Variants in COL5A1 observed in about 807,000 individuals in gnomAD.
The protein encoded by COL5A1 is collagen type V alpha 1 chain, also known as collagen alpha-1(V) chain.
COL5A1 carries 16 observed loss-of-function variants against 263.7 expected under a neutral mutation model. The observed-to-expected ratio is 0.06, with a 90% confidence interval of 0.04 to 0.09. The LOEUF is 0.09. COL5A1 is among the 10% of genes least tolerant of loss of function. The pLI is 1.00. For missense variants in COL5A1, 2,036 were observed against 2,540.5 expected (o/e 0.80, Z 4.27); for synonymous variants, 1,012 against 1,004.5 (o/e 1.01, Z -0.14).
At chr9:134,749,091 G>A (rs897191373) in intron 11 of COL5A1, among the ~76,000 whole-genome samples, 4 of 152,178 alleles carry the variant, frequency 2.6e-5, no homozygotes, top group East Asian at 3.9e-4. Context: ...ACAAAAGTTA[G>A]CCCACGCTGG....
chr9:134,744,715 AC>A (rs1835431620), intron 11 of COL5A1, among the ~76,000 whole-genome samples: 1 of 151,784 alleles, frequency 6.6e-6, no homozygotes, highest in African/African-American at 2.4e-5. Flanking sequence ...ATGCTCTCAC[AC>A]AGTTACACAC....
intron 4 of COL5A1, among the ~76,000 whole-genome samples, chr9:134,723,490 G>A (rs953036584): frequency 2.0e-5 from 3 of 152,236 alleles, no homozygotes; most frequent in African/African-American, 4.8e-5. Context: ...CAGGGGCCCC[G>A]CTGCACACAT....
chr9:134,835,973 G>A (rs1019345622), intron 65 of COL5A1, among the ~76,000 whole-genome samples: 1 of 152,184 alleles, frequency 6.6e-6, no homozygotes, highest in Non-Finnish European at 1.5e-5. Context: ...TGTCCCCCTC[G>A]TGTGGCCTTT....
chr9:134,642,802 C>A lies in COL5A1; in HGVS notation c.109+506C>A, dbSNP rs1014519645. On this transcript the variant is annotated intron_variant, in intron 1 of 65. Transcript: ENST00000371817. The surrounding 1 kb of genome is among the most constrained non-coding windows in gnomAD (Gnocchi z 4.5). ...TGAACTTCCCCCAGGCACTGTCACT[C>A]TAGGCTGAGCTGGCGCCCTGCTTTC... 6.6e-6 allele frequency among the ~76,000 whole-genome samples: 1 copy of A among 152,136 alleles called. No homozygotes were observed. Among genetic ancestry groups the A allele is most frequent in the African/African-American group, 2.4e-5 (1 of 41,432 alleles).
chr9:134,710,051 A>G (rs1833969975), intron 4 of COL5A1, among the ~76,000 whole-genome samples: 1 of 152,202 alleles, frequency 6.6e-6, no homozygotes, highest in Non-Finnish European at 1.5e-5. Flanking sequence ...ACCGTGGCCA[A>G]GGGGGCATCT....
chr9:134,771,140 C>T (rs538663970), intron 25 of COL5A1, among the ~76,000 whole-genome samples: 13 of 152,376 alleles, frequency 8.5e-5, no homozygotes, highest in African/African-American at 2.4e-4. Context: ...GAAATGACCA[C>T]GTGGAGAGGC....
Position 134,736,213 on chromosome 9 carries a change from T to C in COL5A1, c.1390-2261T>C, listed in dbSNP as rs556498633. Reference sequence around the variant, plus strand: ...ACTTGTCAGAAGTGAGCTTAGTTCATTGTGAGCTGCTGTTACAGCACACCA... The same window carrying C: ...ACTTGTCAGAAGTGAGCTTAGTTCACTGTGAGCTGCTGTTACAGCACACCA... On this transcript the variant is annotated intron_variant, in intron 9 of 65. Coordinates refer to ENST00000371817, the MANE Select transcript of COL5A1 (RefSeq NM_000093.5). Among the ~76,000 whole-genome samples the C allele has an allele frequency of 2.8e-3, 423 of 152,402 alleles. 1 individual carries two copies. The highest frequency in any genetic ancestry group is 9.9e-3 in the African/African-American group (410 of 41,604).
Position 134,724,764 on chromosome 9 carries a change from C to A in COL5A1, c.655-2502C>A, listed in dbSNP as rs142032194. On this transcript the variant is annotated intron_variant, in intron 4 of 65. Transcript: ENST00000371817. ...CGGCTGCAGGCCAGAGTCTTCAAGG[C>A]GGAGACAAAGCTGTCACTAGACTCC... 7.4e-4 allele frequency among the ~76,000 whole-genome samples: 112 copies of A among 152,290 alleles called. 2 individuals are homozygous for A. In the East Asian group the frequency reaches 0.021, roughly 28 times the overall value.
At chr9:134,728,619 G>C in intron 5 of COL5A1, 51 bp from the exon 6 acceptor site, 2 of 1,612,188 alleles carry the variant, frequency 1.2e-6, no homozygotes, top group East Asian at 2.2e-5. Flanking sequence ...CAGCAGGCTG[G>C]TCGCTCTGCG....
intron 44 of COL5A1, 96 bp from the exon 45 acceptor site, chr9:134,811,243 A>G: frequency 9.5e-7 from 1 of 1,056,684 alleles, no homozygotes; most frequent in Non-Finnish European, 1.5e-6. Flanking sequence ...ACGACGTTGG[A>G]TGCATCAGTC....
chr9:134,671,817 C>G (rs149297824), intron 1 of COL5A1, among the ~76,000 whole-genome samples: 2 of 152,190 alleles, frequency 1.3e-5, no homozygotes. Context: ...TAAATCTGCC[C>G]GTTGTAATGA....
At chr9:134,752,700 C>T in intron 14 of COL5A1, 55 bp downstream of exon 14, 1 of 1,406,864 alleles carries the variant, frequency 7.1e-7, no homozygotes, top group Non-Finnish European at 1.0e-6. Context: ...GGCCCACTCC[C>T]TGTGTCGTTG....
intron 11 of COL5A1, among the ~76,000 whole-genome samples, chr9:134,744,582 CACTT>C (rs1179864619): frequency 2.3e-4 from 35 of 152,032 alleles, no homozygotes; most frequent in African/African-American, 4.6e-4. Context: ...CATGCACACA[CACTT>C]ACACATGCAC....
chr9:134,730,540 C>A, intron 7 of COL5A1, 65 bp downstream of exon 7: 3 of 1,602,348 alleles, frequency 1.9e-6, no homozygotes, highest in South Asian at 2.2e-5. Context: ...GCTGGGGCCA[C>A]AATGCTGAGC....
At chr9:134,822,432 G>A (rs1839045595) in intron 59 of COL5A1, among the ~76,000 whole-genome samples, 1 of 152,184 alleles carries the variant, frequency 6.6e-6, no homozygotes, top group Non-Finnish European at 1.5e-5. Flanking sequence ...ATCTGGGGAG[G>A]GTGCGGAAGG....
At chr9:134,685,604 CATCATCCATCCATCCACCA>C in intron 1 of COL5A1, among the ~76,000 whole-genome samples, 1 of 108,988 alleles carries the variant, frequency 9.2e-6, no homozygotes, top group South Asian at 3.6e-4. Context: ...TCCATCCATC[CATCATCCATCCATCCACCA>C]TCCATCCATC....
At chr9:134,661,543 G>A (rs141416305) in intron 1 of COL5A1, among the ~76,000 whole-genome samples, 8 of 151,954 alleles carry the variant, frequency 5.3e-5, no homozygotes, top group South Asian at 2.1e-4. Flanking sequence ...CTGTGAGGAC[G>A]TGCCCAGTTG....
At chr9:134,744,375 A>T (rs935361829) in intron 11 of COL5A1, among the ~76,000 whole-genome samples, 3 of 151,824 alleles carry the variant, frequency 2.0e-5, no homozygotes, top group South Asian at 4.2e-4. Context: ...ACATGCCCAC[A>T]CATGCATACA....
At chr9:134,792,444 C>G (rs1420902050) in intron 32 of COL5A1, among the ~76,000 whole-genome samples, 1 of 152,108 alleles carries the variant, frequency 6.6e-6, no homozygotes, top group Non-Finnish European at 1.5e-5. Flanking sequence ...GGTGCGATCT[C>G]AGCTCACTGC....
Sources: allele counts gnomAD v4.1 joint callset (sites outside exome capture counted in the v4.1 genomes callset), GRCh38; gene constraint gnomAD v4.1.1; non-coding constraint Gnocchi (gnomAD v3.1); transcripts MANE v1.5; gene names NCBI Gene and HGNC (gene_info 2026-07-23, HGNC 2026-07-21).